The following ADAM33 variants were observed in gnomAD, a reference collection of about 807,000 sequenced individuals.
The protein encoded by ADAM33 is disintegrin and metalloproteinase domain-containing protein 33.
In ADAM33, 103 loss-of-function variants were observed where a neutral mutation model predicts 106.2. The ratio of observed to expected loss-of-function variants is 0.97; its 90% CI spans 0.83 to 1.14. ADAM33 has a LOEUF of 1.14. Ranked by LOEUF, ADAM33 falls within the 50% of genes most tolerant of loss-of-function variation. ADAM33 has a pLI of 0.00. For synonymous variants in ADAM33, 483 were observed against 453.0 expected (o/e 1.07, Z -0.84); for missense variants, 1,120 against 1,096.6 (o/e 1.02, Z -0.30).
At chr20:3,679,950 C>CT (rs1383889648) in intron 1 of ADAM33, among the ~76,000 whole-genome samples, 6 of 152,034 alleles carry the variant, frequency 3.9e-5, no homozygotes, top group Admixed American at 1.3e-4. Flanking sequence ...CAGCAGATGC[C>CT]TTTAGGGTGA....
intron 19 of ADAM33, 79 bp downstream of exon 19, chr20:3,670,927 C>T (rs930265962): frequency 8.2e-6 from 12 of 1,461,072 alleles, no homozygotes; most frequent in Admixed American, 2.4e-5. Context: ...AGGGCCTGCC[C>T]CAGCTCCCAC....
chr20:3,672,401 G>A (rs2087600083), intron 13 of ADAM33, 72 bp from the exon 14 acceptor site: 5 of 1,580,784 alleles, frequency 3.2e-6, no homozygotes, highest in Non-Finnish European at 4.3e-6. Context: ...CCGAGAGCGC[G>A]GCTCGGAGCT....
intron 14 of ADAM33, 60 bp from the exon 15 acceptor site, chr20:3,672,045 C>T (rs2087571747): frequency 3.8e-6 from 6 of 1,559,184 alleles, no homozygotes; most frequent in Non-Finnish European, 5.2e-6. Context: ...CAGCGGGCCT[C>T]AGTTTCCCCT....
rs1216058743 is a variant in ADAM33 at position 3,679,494 on chromosome 20, G to A, written c.175C>T (p.Pro59Ser). 4 of 1,606,572 alleles carry A rather than the reference G, an allele frequency of 2.5e-6. No homozygotes were observed. The East Asian group carries it at 9.0e-5, about 36-fold the overall frequency. ...QPWRTVSLEEPVSKPDMGLVA... is the reference protein window; with the variant it reads ...QPWRTVSLEESVSKPDMGLVA... ...GGGCGGGGAGACATGGCACTGACCG[G>A]CTCCTCCAGGCTGACGGTGCGCCAG... The change falls in exon 2 of 22, where the codon CCG becomes TCG. Residue 59 changes from proline (P) to serine (S), a missense_variant and splice_region_variant. By Grantham distance (74) the Pro-to-Ser change is moderately conservative. Coordinates refer to ENST00000356518, the MANE Select transcript of ADAM33 (RefSeq NM_025220.5).
At chr20:3,676,751 A>G (rs1215462686) in intron 3 of ADAM33, among the ~76,000 whole-genome samples, 1 of 152,068 alleles carries the variant, frequency 6.6e-6, no homozygotes, top group Admixed American at 6.5e-5. Context: ...GTGCCGGCTC[A>G]TCTTTTCCCT....
In ADAM33 at chr20:3,675,201, C is replaced by T. The variant is rs763046576; in HGVS notation, c.255-96G>A. On this transcript the variant is annotated intron_variant, in intron 3 of 21. Transcript: ENST00000356518. The surrounding 1 kb of genome is among the most constrained non-coding windows in gnomAD (Gnocchi z 4.1). ...TCCTCCCTAAATGCTAATGGAGCAGCTTTATGAGTGAGACACTCACAGTGT... is the reference window on the plus strand; with the variant it reads ...TCCTCCCTAAATGCTAATGGAGCAGTTTTATGAGTGAGACACTCACAGTGT... The T allele has an allele frequency of 3.5e-4, 322 of 908,838 alleles. 1 individual carries two copies. The highest frequency in any genetic ancestry group is 5.5e-4 in the Admixed American group (25 of 45,112). 56.3% of individuals were successfully genotyped at this position (908,838 alleles called of 1,614,324 possible).
chr20:3,679,921 T>C (rs2088328989), intron 1 of ADAM33, among the ~76,000 whole-genome samples: 1 of 152,074 alleles, frequency 6.6e-6, no homozygotes, highest in African/African-American at 2.4e-5. Flanking sequence ...CGCGGCAGCC[T>C]TAGGGATTTT....
At position 3,668,652 on chromosome 20, in the gene ADAM33, G is replaced by A; in HGVS notation, c.*311C>T. On this transcript the variant is annotated 3_prime_UTR_variant, in exon 22 of 22. Transcript: ENST00000356518. ...CAGACTCCCAGGACAGAGCCCTTTT[G>A]GGATGGCCAGCACTACCCAGCCTCC... 2.3e-6 allele frequency: 1 copy of A among 425,992 alleles called. No homozygotes were observed. The highest frequency in any genetic ancestry group is 2.4e-5 in the South Asian group (1 of 41,500). 26.4% of individuals were successfully genotyped at this position (425,992 alleles called of 1,614,324 possible). A position where few individuals can be genotyped will look rare whatever the true frequency, so the allele number is the denominator to read the frequency against.
intron 11 of ADAM33, chr20:3,673,142 C>G: frequency 1.3e-6 from 2 of 1,481,690 alleles, no homozygotes; most frequent in Admixed American, 2.2e-5. Context: ...AGTAACCTCG[C>G]CAGGTTACTC....
Position 3,669,618 on chromosome 20 carries a change from T to A in ADAM33, c.2260A>T (p.Arg754Trp). ...ACSGPKDGPH[R>W]DHPLGGVHPM... ...TGAACGCCGCCCAGGGGGTGGTCCC[T>A]GTGTGGGCCATCTTTGGGGCTGAGC... The change falls in exon 20 of 22, where the codon AGG becomes TGG. Residue 754 changes from arginine to tryptophan, a missense_variant. By Grantham distance (101) the Arg-to-Trp change is moderately radical (BLOSUM62 -3). Coordinates refer to ENST00000356518, the MANE Select transcript of ADAM33 (RefSeq NM_025220.5). 1 of 1,602,558 alleles carries A rather than the reference T, an allele frequency of 6.2e-7. No homozygotes were observed. Among genetic ancestry groups the A allele is most frequent in the Non-Finnish European group, 8.5e-7 (1 of 1,175,574 alleles).
chr20:3,677,885 G>C (rs1600242686), intron 2 of ADAM33, among the ~76,000 whole-genome samples: 1 of 152,354 alleles, frequency 6.6e-6, no homozygotes, highest in East Asian at 1.9e-4. Flanking sequence ...CACTCAGCCT[G>C]GCTGGGGGCC....
chr20:3,672,806 G>C lies in ADAM33; in HGVS notation c.1226C>G (p.Pro409Arg), dbSNP rs747081254. ...CGGCGGCACCGGGAGTCCGGGGTCC[G>C]GGGCATTGGAGAGGCAAGCGCCGCC... is the stretch of plus-strand genomic sequence containing the variant. Reference protein sequence around the residue: ...KGGGACLSNAPDPGLPVPPAL... With the variant: ...KGGGACLSNARDPGLPVPPAL... Residue 409 changes from proline to arginine, a missense_variant, in exon 12 of 22, where the codon CCG becomes CGG. Coordinates refer to ENST00000356518, the MANE Select transcript of ADAM33 (RefSeq NM_025220.5). 10 of 1,576,782 alleles carry C rather than the reference G, an allele frequency of 6.3e-6. No individual in the cohort carries two copies. The highest frequency in any genetic ancestry group is 8.6e-6 in the Non-Finnish European group (10 of 1,164,090).
chr20:3,678,130 A>G (rs959758173), intron 2 of ADAM33, among the ~76,000 whole-genome samples: 2 of 152,136 alleles, frequency 1.3e-5, no homozygotes, highest in Non-Finnish European at 2.9e-5. Flanking sequence ...CACTTGCTTT[A>G]TTGGGGAAAG....
At chr20:3,669,214 A>C in intron 21 of ADAM33, 85 bp downstream of exon 21, 2 of 1,059,844 alleles carry the variant, frequency 1.9e-6, no homozygotes, top group Non-Finnish European at 2.6e-6. Flanking sequence ...CAGAAACCTG[A>C]TTAGGGGGCA....
In ADAM33 at chr20:3,672,282, G is replaced by C. The variant is rs751952346; in HGVS notation, c.1449C>G (p.Asp483Glu). ...ALCRQAMGDC[D>E]LPEFCTGTSS... ...AGGTGCCCGTGCAAAACTCAGGGAG[G>C]TCACAGTCACCCATGGCCTGGCGGC... The change falls in exon 14 of 22, where the codon GAC becomes GAG. Residue 483 changes from aspartate (D) to glutamate (E), a missense_variant. Coordinates refer to ENST00000356518, the MANE Select transcript of ADAM33 (RefSeq NM_025220.5). 1.4e-5 allele frequency: 23 copies of C among 1,613,344 alleles called. No homozygotes were observed. The East Asian group carries it at 5.1e-4, about 36-fold the overall frequency.
intron 2 of ADAM33, among the ~76,000 whole-genome samples, chr20:3,678,983 G>T (rs2088210030): frequency 6.6e-6 from 1 of 152,080 alleles, no homozygotes; most frequent in Non-Finnish European, 1.5e-5. Context: ...CATCAGGAGA[G>T]TGACCACTGC....
At chr20:3,681,798 G>A (rs1258845479) in intron 1 of ADAM33, 110 bp downstream of exon 1, 20 of 1,424,322 alleles carry the variant, frequency 1.4e-5, no homozygotes, top group Non-Finnish European at 1.7e-5. Context: ...GTATGGTGCC[G>A]GGGCCGTGAG....
chr20:3,669,273 G>A, intron 21 of ADAM33, 26 bp downstream of exon 21: 1 of 1,561,690 alleles, frequency 6.4e-7, no homozygotes, highest in Non-Finnish European at 8.6e-7. Context: ...GAGAGGGGGA[G>A]GCTTTGAATC....
intron 2 of ADAM33, 109 bp from the exon 3 acceptor site, chr20:3,677,252 T>G: frequency 5.3e-6 from 5 of 934,632 alleles, no homozygotes; most frequent in Non-Finnish European, 6.1e-6. Context: ...GGGGAGAACG[T>G]GGGCTGGGGA....
Sources: gnomAD v4.1 joint callset for allele counts (sites outside exome capture counted in the v4.1 genomes callset) on GRCh38, gnomAD v4.1.1 for gene constraint, Gnocchi (gnomAD v3.1) non-coding constraint, MANE v1.5 for transcripts, NCBI Gene and HGNC (gene_info 2026-07-23, HGNC 2026-07-21) for gene names.